DMPK: variants seen among roughly 807,000 people sequenced by gnomAD.
DMPK encodes myotonin-protein kinase.
In DMPK, 32 loss-of-function variants were observed where a neutral mutation model predicts 70.3. The ratio of observed to expected loss-of-function variants is 0.46; its 90% CI spans 0.34 to 0.61. DMPK has a LOEUF of 0.61. DMPK is among the 20% of genes least tolerant of loss of function. DMPK has a pLI of 0.01. For missense variants in DMPK, 899 were observed against 886.0 expected (o/e 1.01, Z -0.19); for synonymous variants, 469 against 390.9 (o/e 1.20, Z -2.36).
rs751334898 is a variant in DMPK at position 45,777,758 on chromosome 19, A to C, written c.791T>G (p.Leu264Arg). Residue 264 changes from leucine to arginine, a missense_variant, in exon 7 of 15, where the codon CTG becomes CGG. Around this residue, in one of 3 missense-constraint regions of DMPK, gnomAD observed 195 missense variants for 259.7 expected, o/e 0.75. Coordinates refer to ENST00000291270, the MANE Select transcript of DMPK (RefSeq NM_004409.5). The surrounding 1 kb of genome is among the most constrained non-coding windows in gnomAD (Gnocchi z 6.7). ...GAACATTTCATAGGCGAATACACCC[A>C]GCGCCCACCAGTCACACTCGGGCCC... is the stretch of plus-strand genomic sequence containing the variant. ...SYGPECDWWA[L>R]GVFAYEMFYG... 6.2e-7 allele frequency: 1 copy of C among 1,613,180 alleles called. No homozygotes were observed. The highest frequency in any genetic ancestry group is 1.3e-5 in the African/African-American group (1 of 74,892).
At chr19:45,771,099 G>A (rs183029748) in intron 13 of DMPK, 39 bp from the exon 14 acceptor site, 20,274 of 1,471,794 alleles carry the variant, frequency 0.014, 188 homozygotes, top group Non-Finnish European at 0.017. Context: ...TCGGAGCCCA[G>A]CCCAGCCCTC....
At position 45,769,956 on chromosome 19, in the gene DMPK, G is replaced by A. The variant is rs948201825; in HGVS notation, c.*532C>T. ...CAGCGCAAGTGAGGAGGGGGGCGCG[G>A]GATCCCCGAAAAAGCGGGTTTGGCA... On this transcript the variant is annotated 3_prime_UTR_variant, in exon 15 of 15. Transcript: ENST00000291270. 6.4e-6 allele frequency: 2 copies of A among 312,996 alleles called. No homozygotes were observed. The highest frequency in any genetic ancestry group is 6.1e-6 in the Non-Finnish European group (1 of 162,626). 19.4% of individuals were successfully genotyped at this position (312,996 alleles called of 1,614,324 possible).
intron 2 of DMPK, 91 bp from the exon 3 acceptor site, chr19:45,779,613 T>G (rs1199467698): frequency 6.4e-7 from 1 of 1,568,790 alleles, no homozygotes; most frequent in Non-Finnish European, 8.6e-7. Context: ...CACCCAGCCG[T>G]GGCCCCGCCC....
rs1339994652 is a variant in DMPK at position 45,770,930 on chromosome 19, G to A, written c.1737+41C>T. 5 of 1,360,300 alleles carry A rather than the reference G, an allele frequency of 3.7e-6. No individual in the cohort carries two copies. In the Admixed American group the frequency reaches 9.5e-5, roughly 26 times the overall value. 84.3% of individuals were successfully genotyped at this position (1,360,300 alleles called of 1,614,324 possible). ...GGGTGGCAAGGGGCGGGTGGAGCGC[G>A]GGGCGCGACGGCGGAGGGGGGCGTG... On this transcript the variant is annotated intron_variant, in intron 14 of 14. Transcript: ENST00000291270.
At position 45,771,242 on chromosome 19, in the gene DMPK, G is replaced by T. The variant is rs781095880; in HGVS notation, c.1647+108C>A. The T allele has an allele frequency of 4.9e-6, 7 of 1,436,936 alleles. No homozygotes were observed. The South Asian group carries it at 6.8e-5, about 14-fold the overall frequency. 89.0% of individuals were successfully genotyped at this position (1,436,936 alleles called of 1,614,324 possible). The stretch of plus-strand genomic sequence containing the variant: ...TAAAGGGCTTCTGCCCTCTAAAGTC[G>T]CAAAGACGTAGGGTGAGCCCTATAT... On this transcript the variant is annotated intron_variant, in intron 13 of 14. Coordinates refer to ENST00000291270, the MANE Select transcript of DMPK (RefSeq NM_004409.5).
At chr19:45,780,160 A>G in intron 1 of DMPK, 1 of 1,436,196 alleles carries the variant, frequency 7.0e-7, no homozygotes, top group Non-Finnish European at 9.1e-7. Flanking sequence ...GAGTCTGCAG[A>G]AGGACAGACC....
chr19:45,778,662 G>A (rs975749753), intron 4 of DMPK, 21 bp from the exon 5 acceptor site: 10 of 1,610,506 alleles, frequency 6.2e-6, no homozygotes, highest in Non-Finnish European at 7.6e-6. Flanking sequence ...GTTCGTCATG[G>A]GTGGTTGGTA....
intron 9 of DMPK, 54 bp downstream of exon 9, chr19:45,774,895 C>A: frequency 7.1e-7 from 1 of 1,402,266 alleles, no homozygotes; most frequent in Non-Finnish European, 1.0e-6. Flanking sequence ...GAGCAGGACC[C>A]AGGAAGCTCA....
intron 9 of DMPK, among the ~76,000 whole-genome samples, 178 bp downstream of exon 9, chr19:45,774,771 T>G (rs999295023): frequency 6.6e-6 from 1 of 152,204 alleles, no homozygotes; most frequent in African/African-American, 2.4e-5. Flanking sequence ...ATCTAACATT[T>G]TGAAGTACAT....
In DMPK at chr19:45,775,053, T is replaced by C. The variant is rs2146239868; in HGVS notation, c.1147-19A>G. Reference sequence around the variant, plus strand: ...GTGTCTCCTGCGCAAGACACACAGATGTGAGCAGCAGTCGTCAGGGCGGGC... The same window carrying C: ...GTGTCTCCTGCGCAAGACACACAGACGTGAGCAGCAGTCGTCAGGGCGGGC... On this transcript the variant is annotated intron_variant, in intron 8 of 14. Transcript: ENST00000291270. 1 of 1,608,398 alleles carries C rather than the reference T, an allele frequency of 6.2e-7. No individual in the cohort carries two copies.
chr19:45,771,736 C>T (rs548406200), intron 11 of DMPK, 35 bp downstream of exon 11: 6 of 1,599,692 alleles, frequency 3.8e-6, no homozygotes, highest in Non-Finnish European at 2.6e-6. Context: ...GCCACCGGCC[C>T]GCATCCCGGC....
chr19:45,780,613 G>A, intron 1 of DMPK: 1 of 1,013,726 alleles, frequency 9.9e-7, no homozygotes, highest in Non-Finnish European at 1.2e-6. Context: ...CTCAGGGACT[G>A]TGGGGACAGG....
In DMPK at chr19:45,770,200, C is replaced by A. The variant is rs10419007; in HGVS notation, c.*288G>T. ...CCGAAAGAAAGAAATGGTCTGTGAT[C>A]CCCCCAGCAGCAGCAGCAGCAGCAG... On this transcript the variant is annotated 3_prime_UTR_variant, in exon 15 of 15. Coordinates refer to ENST00000291270, the MANE Select transcript of DMPK (RefSeq NM_004409.5). 27 of 596,950 alleles carry A rather than the reference C, an allele frequency of 4.5e-5. 1 individual carries two copies. Among genetic ancestry groups the A allele is most frequent in the South Asian group, 4.4e-4 (24 of 54,686 alleles). 37.0% of individuals were successfully genotyped at this position (596,950 alleles called of 1,614,324 possible). A position where few individuals can be genotyped will look rare whatever the true frequency, so the allele number is the denominator to read the frequency against.
intron 4 of DMPK, chr19:45,778,872 G>A: frequency 1.7e-6 from 1 of 573,484 alleles, no homozygotes; most frequent in Non-Finnish European, 3.1e-6. Flanking sequence ...ATGTCACTGG[G>A]CAGATTCACT....
chr19:45,774,451 A>T (rs896975086), intron 9 of DMPK, among the ~76,000 whole-genome samples: 6 of 151,226 alleles, frequency 4.0e-5, no homozygotes, highest in Admixed American at 6.6e-5. Context: ...TTTAGTAGAG[A>T]CGGGGTTTCA....
Position 45,770,609 on chromosome 19 carries a change from GA to G in DMPK, c.1768del (p.Ser590ProfsTer43). The G allele has an allele frequency of 1.9e-6, 3 of 1,552,932 alleles. No individual in the cohort carries two copies. The highest frequency in any genetic ancestry group is 2.6e-6 in the Non-Finnish European group (3 of 1,148,302). On this transcript the variant is annotated frameshift_variant, in exon 15 of 15. Coordinates refer to ENST00000291270, the MANE Select transcript of DMPK (RefSeq NM_004409.5). LOFTEE classifies it high-confidence loss of function. The part of the protein sequence containing the change: ...VPRPGLSEAL[S>X]LLLFAVVLSR... The stretch of plus-strand genomic sequence containing the variant: ...CAGAACAACGGCGAACAGGAGCAGG[GA>G]AAGCGCCTCCGATAGGCCAGGCCTA...
Position 45,779,087 on chromosome 19 carries a change from C to T in DMPK, c.432+177G>A, listed in dbSNP as rs903744425. On this transcript the variant is annotated intron_variant, in intron 4 of 14. Transcript: ENST00000291270. Reference sequence around the variant, plus strand: ...AACGGGCAGTGAAGGACACCATCCCCGTCTCAGATAGGGAAGGCCCCTCAT... The same window carrying T: ...AACGGGCAGTGAAGGACACCATCCCTGTCTCAGATAGGGAAGGCCCCTCAT... 35 of 653,046 alleles carry T rather than the reference C, an allele frequency of 5.4e-5. No homozygotes were observed. In the East Asian group the frequency reaches 8.7e-4, roughly 16 times the overall value. The allele number at this position is 653,046 out of a possible 1,614,324, so 40.5% of individuals were successfully genotyped here.
chr19:45,777,005 C>T lies in DMPK; in HGVS notation c.1146+322G>A, dbSNP rs1388477160. 1.3e-5 allele frequency: 4 copies of T among 310,858 alleles called. No homozygotes were observed. Among genetic ancestry groups the T allele is most frequent in the Non-Finnish European group, 2.4e-5 (4 of 167,838 alleles). The allele number at this position is 310,858 out of a possible 1,614,324, so 19.3% of individuals were successfully genotyped here. A position where few individuals can be genotyped will look rare whatever the true frequency, so the allele number is the denominator to read the frequency against. ...GAGTCCTCTCCTGCTTCTCATCCCT[C>T]CAAGTCTCAGCTCAGATAGCTCCCC... On this transcript the variant is annotated intron_variant, in intron 8 of 14. Transcript: ENST00000291270. This position sits in a 1 kb window ranked among gnomAD's most constrained non-coding sequence, Gnocchi z 6.7.
Position 45,771,016 on chromosome 19 carries a change from C to A in DMPK, c.1692G>T (p.Val564=). Residue 564 remains valine (V), a synonymous_variant, in exon 14 of 15, where the codon GTG becomes GTT. Transcript: ENST00000291270. The part of the protein sequence containing the change: ...PAVAVGQCPL[V]GPGPMHRRHL... ...GGCGGCGGTGCATGGGGCCTGGCCC[C>A]ACCAGCGGGCACTGGCCCACAGCCA... The A allele has an allele frequency of 6.8e-7, 1 of 1,477,658 alleles. No homozygotes were observed. 91.5% of individuals were successfully genotyped at this position (1,477,658 alleles called of 1,614,324 possible).
Sources: allele counts gnomAD v4.1 joint callset (sites outside exome capture counted in the v4.1 genomes callset), GRCh38; gene constraint gnomAD v4.1.1; regional missense constraint gnomAD v4.1.1; non-coding constraint Gnocchi (gnomAD v3.1); transcripts MANE v1.5; gene names NCBI Gene and HGNC (gene_info 2026-07-23, HGNC 2026-07-21).